Variants in ACOT7 observed in about 807,000 individuals in gnomAD.
ACOT7 encodes acyl-CoA thioesterase 7, also known as cytosolic acyl coenzyme A thioester hydrolase.
Under a neutral mutation model 40.2 loss-of-function variants are expected in ACOT7, and 12 were observed. The ratio of observed to expected loss-of-function variants is 0.30; its 90% CI spans 0.19 to 0.48. ACOT7 has a LOEUF of 0.48. ACOT7 is among the 20% of genes least tolerant of loss of function. ACOT7 has a pLI of 0.99. For synonymous variants in ACOT7, 228 were observed against 219.5 expected (o/e 1.04, Z -0.34); for missense variants, 395 against 530.8 (o/e 0.74, Z 2.51).
intron 2 of ACOT7, among the ~76,000 whole-genome samples, chr1:6,340,091 G>A (rs554316922): frequency 3.3e-5 from 5 of 151,780 alleles, no homozygotes; most frequent in South Asian, 2.1e-4. Flanking sequence ...TCAGCCTCCC[G>A]AGTAGCTGGG....
intron 6 of ACOT7, among the ~76,000 whole-genome samples, chr1:6,315,749 T>C (rs148483453): frequency 0.092 from 9,318 of 101,078 alleles, 397 homozygotes; most frequent in Non-Finnish European, 0.097. Flanking sequence ...AGTGAGACTC[T>C]GTCTAAAAAA....
At chr1:6,354,851 G>A (rs1040001867) in intron 1 of ACOT7, among the ~76,000 whole-genome samples, 10 of 126,978 alleles carry the variant, frequency 7.9e-5, no homozygotes, top group Admixed American at 2.5e-4. Flanking sequence ...CATGGCCTCT[G>A]CACTGCCCCT....
intron 6 of ACOT7, among the ~76,000 whole-genome samples, chr1:6,300,863 G>A (rs2148402063): frequency 6.6e-6 from 1 of 151,268 alleles, no homozygotes; most frequent in South Asian, 2.1e-4. Context: ...GGGTCTCACT[G>A]GACAACACCC....
Position 6,358,959 on chromosome 1 carries a change from T to C in ACOT7, c.144-9093A>G. 1 of 1,493,214 alleles carries C rather than the reference T, an allele frequency of 6.7e-7. No homozygotes were observed. Among genetic ancestry groups the C allele is most frequent in the Non-Finnish European group, 9.0e-7 (1 of 1,112,322 alleles). The allele number at this position is 1,493,214 out of a possible 1,614,324, so 92.5% of individuals were successfully genotyped here. On this transcript the variant is annotated intron_variant, in intron 1 of 8. Coordinates refer to ENST00000361521, the MANE Select transcript of ACOT7 (RefSeq NM_007274.4). This position sits in a 1 kb window ranked among gnomAD's most constrained non-coding sequence, Gnocchi z 4.1. ...CAGCTCCCTGCCACACCGGGCTTGG[T>C]GGGGAGCACCCCCCACCCCCAGCTT...
intron 2 of ACOT7, among the ~76,000 whole-genome samples, chr1:6,346,896 T>C (rs998923940): frequency 6.6e-6 from 1 of 152,122 alleles, no homozygotes; most frequent in Non-Finnish European, 1.5e-5. Flanking sequence ...GGCTCCAGGC[T>C]TTGAGCCTGA....
Position 6,288,401 on chromosome 1 carries a change from G to A in ACOT7, c.829+6463C>T, listed in dbSNP as rs1030930568. Among the ~76,000 whole-genome samples the A allele has an allele frequency of 1.6e-4, 24 of 152,240 alleles. No homozygotes were observed. Among genetic ancestry groups the A allele is most frequent in the African/African-American group, 4.8e-4 (20 of 41,462 alleles). ...TTGCCACACACCTGCTAAGGACCCC[G>A]TAGGTGCTTGGCCGGGCTAGTTGGC... On this transcript the variant is annotated intron_variant, in intron 7 of 8. Transcript: ENST00000361521. The surrounding 1 kb of genome is among the most constrained non-coding windows in gnomAD (Gnocchi z 4.3).
intron 8 of ACOT7, among the ~76,000 whole-genome samples, chr1:6,264,984 C>G (rs1319696020): frequency 6.6e-6 from 1 of 152,200 alleles, no homozygotes; most frequent in African/African-American, 2.4e-5. Flanking sequence ...ATAGAGGAGA[C>G]ACTAAGGGCA....
At chr1:6,377,884 A>C (rs1642263108) in intron 1 of ACOT7, among the ~76,000 whole-genome samples, 1 of 152,036 alleles carries the variant, frequency 6.6e-6, no homozygotes, top group East Asian at 1.9e-4. Context: ...TCCTGGCTAA[A>C]ATGGTGAAAC....
At chr1:6,295,759 G>A (rs1278501719) in intron 6 of ACOT7, among the ~76,000 whole-genome samples, 2 of 152,112 alleles carry the variant, frequency 1.3e-5, no homozygotes, top group African/African-American at 4.8e-5. Context: ...GGGTTCCCTA[G>A]GGATAAGGGA....
intron 1 of ACOT7, among the ~76,000 whole-genome samples, chr1:6,392,150 C>T (rs1642542858): frequency 1.3e-5 from 2 of 152,156 alleles, no homozygotes; most frequent in Admixed American, 1.3e-4. Context: ...TTGCTATATG[C>T]CCAGCCTTCC....
intron 1 of ACOT7, among the ~76,000 whole-genome samples, chr1:6,363,737 T>C (rs747786784): frequency 3.3e-5 from 5 of 152,090 alleles, no homozygotes; most frequent in Non-Finnish European, 7.4e-5. Flanking sequence ...CCCTTTTGCC[T>C]TGTATCCAAT....
chr1:6,315,136 G>C (rs1019594575), intron 6 of ACOT7, among the ~76,000 whole-genome samples: 1 of 152,158 alleles, frequency 6.6e-6, no homozygotes, highest in Non-Finnish European at 1.5e-5. Flanking sequence ...CCCTTCATGA[G>C]TTTATCACCA....
chr1:6,339,125 C>T (rs937694248), intron 3 of ACOT7, among the ~76,000 whole-genome samples: 1 of 152,138 alleles, frequency 6.6e-6, no homozygotes, highest in African/African-American at 2.4e-5. Context: ...GCGCCCAGCC[C>T]CTGCCATGGA....
intron 2 of ACOT7, among the ~76,000 whole-genome samples, chr1:6,340,545 A>G (rs541088940): frequency 3.9e-5 from 6 of 152,300 alleles, no homozygotes; most frequent in African/African-American, 1.4e-4. Context: ...CTATTTTGGG[A>G]TCTGTCTTTC....
intron 5 of ACOT7, among the ~76,000 whole-genome samples, chr1:6,326,809 G>A (rs1272903962): frequency 1.3e-5 from 2 of 151,822 alleles, no homozygotes; most frequent in Non-Finnish European, 2.9e-5. Context: ...GCCTGTAATT[G>A]TAATACCAGC....
chr1:6,308,210 A>T (rs1640219091), intron 6 of ACOT7, among the ~76,000 whole-genome samples: 1 of 149,808 alleles, frequency 6.7e-6, no homozygotes, highest in Non-Finnish European at 1.5e-5. Context: ...GAACAGCAAC[A>T]GGCAGAGGGA....
intron 1 of ACOT7, among the ~76,000 whole-genome samples, chr1:6,364,716 C>A (rs370438167): frequency 7.1e-6 from 1 of 140,754 alleles, no homozygotes; most frequent in Non-Finnish European, 1.5e-5. Flanking sequence ...GGCGTGGTTG[C>A]GCTCACCTGT....
At chr1:6,350,061 C>G (rs1641547879) in intron 1 of ACOT7, among the ~76,000 whole-genome samples, 195 bp from the exon 2 acceptor site, 2 of 152,158 alleles carry the variant, frequency 1.3e-5, no homozygotes, top group Admixed American at 1.3e-4. Flanking sequence ...ACGGAAGGGG[C>G]CCTGAGATGC....
intron 1 of ACOT7, among the ~76,000 whole-genome samples, chr1:6,375,454 G>C (rs148439757): frequency 6.6e-6 from 1 of 151,594 alleles, no homozygotes; most frequent in Non-Finnish European, 1.5e-5. Flanking sequence ...GATCACTTGA[G>C]GCCAGGAGTT....
Sources: allele counts gnomAD v4.1 joint callset (sites outside exome capture counted in the v4.1 genomes callset), GRCh38; gene constraint gnomAD v4.1.1; non-coding constraint Gnocchi (gnomAD v3.1); transcripts MANE v1.5; gene names NCBI Gene and HGNC (gene_info 2026-07-23, HGNC 2026-07-21).